DPH6: variants seen among roughly 807,000 people sequenced by gnomAD.
DPH6 encodes diphthine--ammonia ligase.
Under a neutral mutation model 38.2 loss-of-function variants are expected in DPH6, and 33 were observed. The ratio of observed to expected loss-of-function variants is 0.86; its 90% CI spans 0.65 to 1.15. DPH6 has a LOEUF of 1.15. Among genes scored for constraint, DPH6 ranks in the 50% most tolerant of loss-of-function variants. The pLI, the probability that DPH6 is intolerant of heterozygous loss-of-function variation, is 0.00. For synonymous variants in DPH6, 108 were observed against 103.0 expected (o/e 1.05, Z -0.30); for missense variants, 325 against 320.0 (o/e 1.02, Z -0.12).
chr15:35,329,012 G>A (rs749068793), downstream of DPH6, among the ~76,000 whole-genome samples: 37 of 152,130 alleles, frequency 2.4e-4, no homozygotes, highest in African/African-American at 3.9e-4. Context: ...AGAACAGTAC[G>A]CGGGAAACTG....
the DPH6 span, among the ~76,000 whole-genome samples, chr15:35,192,505 C>T: frequency 0.095 from 14,496 of 152,160 alleles, 938 homozygotes; most frequent in East Asian, 0.3. Flanking sequence ...CTCATCATTT[C>T]CTTCATGTGT....
intron 5 of DPH6, among the ~76,000 whole-genome samples, chr15:35,412,058 A>G (rs1459914900): frequency 6.6e-6 from 1 of 151,754 alleles, no homozygotes; most frequent in Non-Finnish European, 1.5e-5. Flanking sequence ...ATGTAAAGAG[A>G]GTAAGAATAA....
the DPH6 span, among the ~76,000 whole-genome samples, chr15:35,205,788 T>G: frequency 1.3e-5 from 2 of 152,094 alleles, no homozygotes; most frequent in African/African-American, 2.4e-5. Flanking sequence ...AATAACAAAT[T>G]TATAACTACA....
At chr15:35,354,094 T>G (rs1006340959) in intron 3 of DPH6, among the ~76,000 whole-genome samples, 1 of 152,190 alleles carries the variant, frequency 6.6e-6, no homozygotes, top group African/African-American at 2.4e-5. Flanking sequence ...CTATTATTGG[T>G]GTATAAGAAT....
At chr15:35,222,367 T>G (rs1160276674) in intron 3 of DPH6, among the ~76,000 whole-genome samples, 2 of 152,220 alleles carry the variant, frequency 1.3e-5, no homozygotes, top group Non-Finnish European at 2.9e-5. Context: ...ATTTATTTTG[T>G]CAGGGTTAAG....
chr15:35,543,456 T>C (rs917191264), intron 1 of DPH6, among the ~76,000 whole-genome samples: 4 of 151,878 alleles, frequency 2.6e-5, no homozygotes, highest in Non-Finnish European at 5.9e-5. Flanking sequence ...GCAATCTATA[T>C]GCTATTGTAA....
At chr15:35,311,190 T>A (rs2052139140) in intron 3 of DPH6, among the ~76,000 whole-genome samples, 1 of 152,144 alleles carries the variant, frequency 6.6e-6, no homozygotes, top group African/African-American at 2.4e-5. Context: ...ACATGAATTA[T>A]ACGTAGTACT....
intron 3 of DPH6, among the ~76,000 whole-genome samples, chr15:35,225,954 A>C (rs188667795): frequency 8.3e-4 from 126 of 152,310 alleles, no homozygotes; most frequent in Middle Eastern, 3.4e-3. Context: ...CCTATATTAA[A>C]AATGATTTAT....
intron 3 of DPH6, among the ~76,000 whole-genome samples, chr15:35,510,057 A>T (rs1345913329): frequency 2.0e-5 from 3 of 152,122 alleles, no homozygotes; most frequent in Non-Finnish European, 1.5e-5. Context: ...CTCTACAAAA[A>T]ATTAAAAAAT....
At chr15:35,521,377 G>A (rs928554678) in intron 3 of DPH6, 2 of 1,047,492 alleles carry the variant, frequency 1.9e-6, no homozygotes, top group Admixed American at 1.1e-4. Context: ...TATATAAATA[G>A]ACTATATCAT....
chr15:35,474,346 C>A (rs1396780402), intron 3 of DPH6, among the ~76,000 whole-genome samples: 2 of 152,118 alleles, frequency 1.3e-5, no homozygotes, highest in Non-Finnish European at 2.9e-5. Context: ...TAGCAAAATA[C>A]TGCCACATAA....
chr15:35,497,619 T>A (rs1181173604), intron 3 of DPH6, among the ~76,000 whole-genome samples: 1 of 152,120 alleles, frequency 6.6e-6, no homozygotes, highest in African/African-American at 2.4e-5. Flanking sequence ...TCTGTATTAT[T>A]GGGGAAGAAA....
intron 3 of DPH6, among the ~76,000 whole-genome samples, chr15:35,365,040 T>C (rs1271757176): frequency 2.0e-5 from 3 of 152,126 alleles, no homozygotes; most frequent in Non-Finnish European, 4.4e-5. Flanking sequence ...TCTGGCTATA[T>C]CTACAAGATA....
chr15:35,436,353 C>T (rs2053704118), intron 5 of DPH6, among the ~76,000 whole-genome samples: 1 of 151,700 alleles, frequency 6.6e-6, no homozygotes, highest in Non-Finnish European at 1.5e-5. Flanking sequence ...GTACTCCCAG[C>T]TACTCGGGAG....
chr15:35,438,203 T>C (rs1201364741), intron 5 of DPH6, among the ~76,000 whole-genome samples: 2 of 152,210 alleles, frequency 1.3e-5, no homozygotes, highest in African/African-American at 4.8e-5. Context: ...CTAAATTCTT[T>C]TCTCCATTTT....
intron 3 of DPH6, among the ~76,000 whole-genome samples, chr15:35,341,122 A>G (rs2052417838): frequency 6.6e-6 from 1 of 151,976 alleles, no homozygotes; most frequent in Admixed American, 6.6e-5. Flanking sequence ...TTTCAGGAAG[A>G]TCGTCTTCAA....
chr15:35,536,869 C>A (rs1375237818), intron 3 of DPH6, among the ~76,000 whole-genome samples: 1 of 152,008 alleles, frequency 6.6e-6, no homozygotes, highest in Non-Finnish European at 1.5e-5. Flanking sequence ...AAGTAGGATT[C>A]TTTTAAGCCT....
At chr15:35,363,762 TC>T (rs2052633787) in intron 3 of DPH6, among the ~76,000 whole-genome samples, 1 of 152,026 alleles carries the variant, frequency 6.6e-6, no homozygotes, top group South Asian at 2.1e-4. Flanking sequence ...TTCTATTTTT[TC>T]GTACTTCATT....
chr15:35,199,347 A>G, the DPH6 span, among the ~76,000 whole-genome samples: 2 of 152,246 alleles, frequency 1.3e-5, 1 homozygote, highest in Non-Finnish European at 2.9e-5. Context: ...AGTTTCATGA[A>G]GAAAGCAATG....
Sources: gnomAD v4.1 joint callset for allele counts (sites outside exome capture counted in the v4.1 genomes callset) on GRCh38, gnomAD v4.1.1 for gene constraint, MANE v1.5 for transcripts, NCBI Gene and HGNC (gene_info 2026-07-23, HGNC 2026-07-21) for gene names.